NLRP12: variants seen among roughly 807,000 people sequenced by gnomAD.
NLRP12 encodes the protein NACHT, LRR and PYD domains-containing protein 12.
Under a neutral mutation model 91.2 loss-of-function variants are expected in NLRP12, and 108 were observed. That is an observed-to-expected ratio of 1.18 (90% confidence interval 1.01 to 1.39). The LOEUF is 1.39. Among genes scored for constraint, NLRP12 ranks in the 40% most tolerant of loss-of-function variants. NLRP12 has a pLI of 0.00. For synonymous variants in NLRP12, 613 were observed against 566.7 expected (o/e 1.08, Z -1.16); for missense variants, 1,530 against 1,352.7 (o/e 1.13, Z -2.06).
rs552343591 is a variant in NLRP12 at position 53,794,435 on chromosome 19, T to C, written c.3099-299A>G. ...CCCAGGTTCAAGCGATTCTCCTGCC[T>C]CAGCCTCCCCAGTAGCTGGGACTAC... On this transcript the variant is annotated intron_variant, in intron 9 of 9. Transcript: ENST00000324134. Among the ~76,000 whole-genome samples the C allele has an allele frequency of 7.5e-4, 114 of 151,070 alleles. 2 individuals are homozygous for C. The East Asian group carries it at 0.02, about 27-fold the overall frequency.
In NLRP12 at chr19:53,810,280, CCT is replaced by C; in HGVS notation, c.1377_1378del (p.Gly460ValfsTer17). ...CCCATCTGCCGCCAAGGAGCACAAC[CCT>C]CTCTGGTTGGGTGGGGGCTGGAGGC... On this transcript the variant is annotated frameshift_variant, in exon 3 of 10. Coordinates refer to ENST00000324134, the MANE Select transcript of NLRP12 (RefSeq NM_144687.4). LOFTEE classifies it high-confidence loss of function. 1 of 1,614,042 alleles carries C rather than the reference CCT, an allele frequency of 6.2e-7. No homozygotes were observed.
At chr19:53,823,757 C>T in intron 1 of NLRP12, 129 bp downstream of exon 1, 1 of 1,056,830 alleles carries the variant, frequency 9.5e-7, no homozygotes, top group Non-Finnish European at 1.5e-6. Flanking sequence ...ACTATGTTGT[C>T]CAGACTGGTC....
chr19:53,805,215 T>C, intron 5 of NLRP12, 65 bp downstream of exon 5: 4 of 1,514,332 alleles, frequency 2.6e-6, no homozygotes, highest in Non-Finnish European at 3.7e-6. Flanking sequence ...TACCAGCATT[T>C]TGTGATATTT....
At chr19:53,802,952 G>A (rs1003851375) in intron 6 of NLRP12, among the ~76,000 whole-genome samples, 3 of 151,904 alleles carry the variant, frequency 2.0e-5, no homozygotes, top group Non-Finnish European at 2.9e-5. Flanking sequence ...AGTCTCACTG[G>A]TTCCCAGGCT....
Position 53,809,910 on chromosome 19 carries a change from G to A in NLRP12, c.1749C>T (p.Val583=), listed in dbSNP as rs150931656. The change falls in exon 3 of 10, where the codon GTC becomes GTT. Residue 583 remains valine (V), a synonymous_variant. Transcript: ENST00000324134. ...ACAGGTCCATCTTGATGTGCGGCGA[G>A]ACCTTCCAGCAGAGACTCTTCTCCA... ...SHLEKSLCWK[V]SPHIKMDLLQ... 1.2e-6 allele frequency: 2 copies of A among 1,614,048 alleles called. No individual in the cohort carries two copies. Among genetic ancestry groups the A allele is most frequent in the Non-Finnish European group, 1.7e-6 (2 of 1,180,038 alleles).
At chr19:53,794,210 G>T in intron 9 of NLRP12, 74 bp from the exon 10 acceptor site, 9 of 969,874 alleles carry the variant, frequency 9.3e-6, no homozygotes, top group South Asian at 1.3e-5. Context: ...AGTATCTATT[G>T]TGCACTACCG....
At chr19:53,822,757 A>C (rs866073398) in intron 1 of NLRP12, among the ~76,000 whole-genome samples, 7 of 132,898 alleles carry the variant, frequency 5.3e-5, no homozygotes, top group Non-Finnish European at 8.1e-5. Flanking sequence ...AAAAAAAAGG[A>C]TACCTCATCT....
chr19:53,823,790 T>G (rs2092304230), intron 1 of NLRP12, 96 bp downstream of exon 1: 1 of 1,368,510 alleles, frequency 7.3e-7, no homozygotes, highest in Middle Eastern at 2.5e-4. Context: ...CCTCAAGTGA[T>G]CTGCCCTCTT....
intron 5 of NLRP12, 107 bp downstream of exon 5, chr19:53,805,173 C>T: frequency 1.6e-6 from 2 of 1,227,972 alleles, no homozygotes; most frequent in Non-Finnish European, 2.4e-6. Flanking sequence ...GGTTAAGGGC[C>T]AGCCCTGATT....
intron 5 of NLRP12, among the ~76,000 whole-genome samples, 164 bp downstream of exon 5, chr19:53,805,116 G>T (rs2091936580): frequency 6.6e-6 from 1 of 152,146 alleles, no homozygotes; most frequent in South Asian, 2.1e-4. Context: ...GGCAGAAGCA[G>T]GTCTTCCAAA....
rs768192429 is a variant in NLRP12, at chr19:53,805,318, C to A, written c.2376G>T (p.Glu792Asp). The stretch of plus-strand genomic sequence containing the variant: ...GCCTGCACTGGGGATGCCGCAGGCC[C>A]TCGCAAAGCAGCATCATGCCTGGGA... Reference protein sequence around the residue: ...VGFPGMMLLCEGLRHPQCRLQ... With the variant: ...VGFPGMMLLCDGLRHPQCRLQ... The change falls in exon 5 of 10, where the codon GAG (glutamate) becomes GAT (aspartate). Residue 792 changes from glutamate to aspartate, a missense_variant. Coordinates refer to ENST00000324134, the MANE Select transcript of NLRP12 (RefSeq NM_144687.4). The A allele has an allele frequency of 1.2e-6, 2 of 1,614,072 alleles. No individual in the cohort carries two copies. The highest frequency in any genetic ancestry group is 1.7e-6 in the Non-Finnish European group (2 of 1,180,008).
In NLRP12 at chr19:53,810,831, G is replaced by A. The variant is rs1467922706; in HGVS notation, c.828C>T (p.Ser276=). 2 of 1,614,060 alleles carry A rather than the reference G, an allele frequency of 1.2e-6. No homozygotes were observed. Among genetic ancestry groups the A allele is most frequent in the South Asian group, 1.1e-5 (1 of 91,084 alleles). ...DLIFSCWPEP[S]APLQELIRVP... Reference sequence around the variant, plus strand: ...CTCGGATGAGCTCCTGGAGAGGCGCGCTGGGCTCAGGCCAGCAGCTGAAGA... The same window carrying A: ...CTCGGATGAGCTCCTGGAGAGGCGCACTGGGCTCAGGCCAGCAGCTGAAGA... The change falls in exon 3 of 10, where the codon AGC becomes AGT. Residue 276 remains serine (S), a synonymous_variant. Transcript: ENST00000324134.
chr19:53,815,126 G>C (rs1302399820), intron 1 of NLRP12, 138 bp from the exon 2 acceptor site: 1 of 720,360 alleles, frequency 1.4e-6, no homozygotes, highest in Non-Finnish European at 2.5e-6. Flanking sequence ...TGACTGCATA[G>C]GCCGTGTGTG....
intron 2 of NLRP12, among the ~76,000 whole-genome samples, chr19:53,812,135 CT>C (rs748799339): frequency 1.1e-3 from 153 of 144,954 alleles, no homozygotes; most frequent in Admixed American, 1.1e-3. Flanking sequence ...GCTTCTCAAA[CT>C]TTTTTTTTTT....
chr19:53,805,578 C>T (rs767334878), intron 4 of NLRP12, 128 bp from the exon 5 acceptor site: 14 of 1,089,444 alleles, frequency 1.3e-5, no homozygotes, highest in African/African-American at 3.2e-5. Flanking sequence ...AGAGCAGTGG[C>T]ATGATTTTGG....
At chr19:53,807,996 C>T (rs1305176974) in intron 3 of NLRP12, 27 of 365,466 alleles carry the variant, frequency 7.4e-5, no homozygotes, top group Admixed American at 1.1e-4. Flanking sequence ...GTGATCTGCC[C>T]GCCTCAACCT....
rs753983333 is a variant in NLRP12 at position 53,824,126 on chromosome 19, A to C, written c.49T>G (p.Leu17Val). 1 of 1,613,950 alleles carries C rather than the reference A, an allele frequency of 6.2e-7. No individual in the cohort carries two copies. Residue 17 changes from leucine to valine, a missense_variant, in exon 1 of 10, where the codon TTG becomes GTG. Coordinates refer to ENST00000324134, the MANE Select transcript of NLRP12 (RefSeq NM_144687.4). ...RDGLCRLSTY[L>V]EELEAVELKK... ...AGTTCCACAGCCTCGAGTTCTTCCAAGTAGGTGGACAGGCGACAGAGGCCG... is the reference window on the plus strand; with the variant it reads ...AGTTCCACAGCCTCGAGTTCTTCCACGTAGGTGGACAGGCGACAGAGGCCG...
rs371056998 is a variant in NLRP12 at position 53,807,020 on chromosome 19, C to G, written c.2243+475G>C. Reference sequence around the variant, plus strand: ...TTGTCTTGGACTTCCAGCAGCCCCCCACCTGCCTTGAGAAAATAGATTTAT... The same window carrying G: ...TTGTCTTGGACTTCCAGCAGCCCCCGACCTGCCTTGAGAAAATAGATTTAT... On this transcript the variant is annotated intron_variant, in intron 4 of 9. Coordinates refer to ENST00000324134, the MANE Select transcript of NLRP12 (RefSeq NM_144687.4). Among the ~76,000 whole-genome samples the G allele has an allele frequency of 1.8e-4, 28 of 152,114 alleles. No homozygotes were observed. In the East Asian group the frequency reaches 3.9e-3, roughly 21 times the overall value.
Position 53,794,067 on chromosome 19 carries a change from A to G in NLRP12, c.3168T>C (p.Tyr1056=), listed in dbSNP as rs1391833893. Residue 1056 remains tyrosine, a synonymous_variant, in exon 10 of 10, where the codon TAT becomes TAC. Coordinates refer to ENST00000324134, the MANE Select transcript of NLRP12 (RefSeq NM_144687.4). Reference sequence around the variant, plus strand: ...GGACCATTCAGCAGCCAATGTCCAAATAAGGTTTTGTTACTCGAAGCGCTG... The same window carrying G: ...GGACCATTCAGCAGCCAATGTCCAAGTAAGGTTTTGTTACTCGAAGCGCTG... ...RLAALRVTKP[Y]LDIGC The G allele has an allele frequency of 1.2e-6, 2 of 1,613,748 alleles. No individual in the cohort carries two copies. Among genetic ancestry groups the G allele is most frequent in the South Asian group, 2.2e-5 (2 of 91,066 alleles).
Sources: gnomAD v4.1 joint callset for allele counts (sites outside exome capture counted in the v4.1 genomes callset) on GRCh38, gnomAD v4.1.1 for gene constraint, MANE v1.5 for transcripts, NCBI Gene and HGNC (gene_info 2026-07-23, HGNC 2026-07-21) for gene names.